MGA: variants seen among roughly 807,000 people sequenced by gnomAD.
MGA encodes MAX gene-associated protein.
Under a neutral mutation model 261.1 loss-of-function variants are expected in MGA, and 40 were observed. The observed-to-expected ratio is 0.15, with a 90% confidence interval of 0.12 to 0.20. MGA has a LOEUF of 0.20. Among genes scored for constraint, MGA ranks in the 10% least tolerant of loss-of-function variants. MGA has a pLI of 1.00. For missense variants in MGA, 3,397 were observed against 3,630.5 expected (o/e 0.94, Z 1.65); for synonymous variants, 1,302 against 1,290.6 (o/e 1.01, Z -0.19).
chr15:41,679,742 GT>G (rs911739240), intron 2 of MGA, among the ~76,000 whole-genome samples: 9 of 151,176 alleles, frequency 6.0e-5, no homozygotes, highest in South Asian at 2.1e-4. Context: ...GACTGAGTGC[GT>G]TTTTTTTGTG....
chr15:41,766,779 C>G lies in MGA; in HGVS notation c.8697C>G (p.Pro2899=). 6.2e-7 allele frequency: 1 copy of G among 1,613,934 alleles called. No homozygotes were observed. The highest frequency in any genetic ancestry group is 8.5e-7 in the Non-Finnish European group (1 of 1,179,858). ...AAGGGGAGAGTGACTCTATCAGTCC[C>G]CTCCTCTTGCACTTGGAAGACGATG... Residue 2899 remains proline (P), a synonymous_variant, in exon 24 of 24, where the codon CCC becomes CCG. Coordinates refer to ENST00000219905, the MANE Select transcript of MGA (RefSeq NM_001164273.2).
In MGA at chr15:41,765,575, A is replaced by G. The variant is rs187437369; in HGVS notation, c.7922-429A>G. 2.8e-3 allele frequency among the ~76,000 whole-genome samples: 426 copies of G among 152,296 alleles called. 11 individuals are homozygous for G. Among genetic ancestry groups the G allele is most frequent in the Non-Finnish European group, 6.2e-4 (42 of 68,016 alleles). On this transcript the variant is annotated intron_variant, in intron 23 of 23. Coordinates refer to ENST00000219905, the MANE Select transcript of MGA (RefSeq NM_001164273.2). Reference sequence around the variant, plus strand: ...TTAGGATCCTGGTTACTTTATTGCCATTGCCAGCCAAAATTCCTTGTCTCT... The same window carrying G: ...TTAGGATCCTGGTTACTTTATTGCCGTTGCCAGCCAAAATTCCTTGTCTCT...
intron 1 of MGA, among the ~76,000 whole-genome samples, chr15:41,639,483 A>G (rs1430654504): frequency 6.6e-6 from 1 of 150,724 alleles, no homozygotes; most frequent in African/African-American, 2.4e-5. Context: ...CCCCTATCTA[A>G]TTAGCTCGGC....
Position 41,699,064 on chromosome 15 carries a change from G to A in MGA, c.2093G>A (p.Gly698Asp), listed in dbSNP as rs1471011414. ...TTATTACTATTTATTTTGGGTGTAG[G>A]TTACAGAGCAAGAATTTCCCAGTTG... The change falls in exon 5 of 24, where the codon GGT (glycine) becomes GAT (aspartate). Residue 698 changes from glycine (G) to aspartate (D), a missense_variant and splice_region_variant. Transcript: ENST00000219905. The A allele has an allele frequency of 6.2e-7, 1 of 1,609,372 alleles. No homozygotes were observed. Among genetic ancestry groups the A allele is most frequent in the East Asian group, 2.2e-5 (1 of 44,800 alleles).
chr15:41,638,369 A>G (rs1279990719), intron 1 of MGA, among the ~76,000 whole-genome samples: 1 of 145,314 alleles, frequency 6.9e-6, no homozygotes, highest in Non-Finnish European at 1.5e-5. Context: ...AAAATATGCT[A>G]GAATTTTTTT....
Position 41,740,074 on chromosome 15 carries a change from G to T in MGA, c.4456G>T (p.Ala1486Ser). ...CAAGGTAGCATCCAATGCCAAGGTG[G>T]CTGCATCCAGGAAACCACGTACCCT... Residue 1486 changes from alanine to serine, a missense_variant, in exon 14 of 24, where the codon GCT becomes TCT. Physicochemically the swap from Ala to Ser is moderately conservative, Grantham distance 99. Transcript: ENST00000219905. 6.2e-7 allele frequency: 1 copy of T among 1,614,000 alleles called. No homozygotes were observed. The highest frequency in any genetic ancestry group is 8.5e-7 in the Non-Finnish European group (1 of 1,179,894).
chr15:41,681,138 A>G (rs1213661845), intron 2 of MGA, among the ~76,000 whole-genome samples: 3 of 152,320 alleles, frequency 2.0e-5, no homozygotes, highest in African/African-American at 7.2e-5. Flanking sequence ...CATAATACAT[A>G]ATGTAAAAAG....
intron 2 of MGA, among the ~76,000 whole-genome samples, chr15:41,688,926 C>T (rs564966877): frequency 1.3e-5 from 2 of 152,076 alleles, no homozygotes; most frequent in Non-Finnish European, 2.9e-5. Flanking sequence ...TTATTATGTC[C>T]ACACATGGGG....
At chr15:41,628,120 C>G (rs1436035822) in intron 1 of MGA, among the ~76,000 whole-genome samples, 2 of 152,028 alleles carry the variant, frequency 1.3e-5, no homozygotes, top group African/African-American at 4.8e-5. Flanking sequence ...CCTGTAATCC[C>G]AGCACTTTGG....
intron 9 of MGA, among the ~76,000 whole-genome samples, chr15:41,718,014 C>T (rs75495016): frequency 8.4e-4 from 76 of 90,364 alleles, no homozygotes; most frequent in African/African-American, 3.1e-3. Flanking sequence ...GACCCTGTCT[C>T]AAAAAAAAAA....
At chr15:41,656,664 T>C (rs547777479), upstream of MGA, among the ~76,000 whole-genome samples, 6 of 152,008 alleles carry the variant, frequency 3.9e-5, no homozygotes, top group South Asian at 4.2e-4. Flanking sequence ...TGTTTCTTAA[T>C]GAATGTTGAT....
chr15:41,734,727 A>G (rs2061681218), intron 12 of MGA, 133 bp downstream of exon 12: 8 of 656,512 alleles, frequency 1.2e-5, no homozygotes, highest in Middle Eastern at 3.0e-4. Context: ...TGCCAAAAAC[A>G]GGGACAATAA....
chr15:41,682,234 A>T (rs894067162), intron 2 of MGA, among the ~76,000 whole-genome samples: 1 of 151,814 alleles, frequency 6.6e-6, no homozygotes, highest in Non-Finnish European at 1.5e-5. Flanking sequence ...ACATTATTTA[A>T]TAAAATCTTT....
At chr15:41,665,492 C>G (rs919830590) in intron 1 of MGA, among the ~76,000 whole-genome samples, 2 of 151,676 alleles carry the variant, frequency 1.3e-5, no homozygotes, top group Non-Finnish European at 2.9e-5. Context: ...CCCCCAGGCT[C>G]GAGGGATCCT....
At position 41,748,853 on chromosome 15, in the gene MGA, A is replaced by G. The variant is rs762221573; in HGVS notation, c.5429A>G (p.Gln1810Arg). ...AGGCACCCTAATGGGCAGATTGTCC[A>G]GCTTCTACCTTTGCATCAGCTTCGA... Residue 1810 changes from glutamine to arginine, a missense_variant, in exon 16 of 24, where the codon CAG becomes CGG. Around this residue, in one of 9 missense-constraint regions of MGA, gnomAD observed 1,410 missense variants for 1,386.4 expected, o/e 1.02. Transcript: ENST00000219905. 1 of 1,614,038 alleles carries G rather than the reference A, an allele frequency of 6.2e-7. No individual in the cohort carries two copies. The highest frequency in any genetic ancestry group is 1.1e-5 in the South Asian group (1 of 91,092).
At chr15:41,641,124 TGTTTTCAAA>T (rs1316758319) in intron 1 of MGA, among the ~76,000 whole-genome samples, 1 of 152,196 alleles carries the variant, frequency 6.6e-6, no homozygotes, top group Middle Eastern at 3.2e-3. Context: ...CTCTTTAGCA[TGTTTTCAAA>T]GTTCATCCAT....
chr15:41,689,316 TCTCTCCCTAC>T (rs2059136807), intron 2 of MGA, among the ~76,000 whole-genome samples: 1 of 151,358 alleles, frequency 6.6e-6, no homozygotes, highest in African/African-American at 2.4e-5. Flanking sequence ...CCTCTTCCTT[TCTCTCCCTAC>T]CTCTCTCCCT....
At chr15:41,637,248 C>T (rs1015418717) in intron 1 of MGA, among the ~76,000 whole-genome samples, 17 of 152,032 alleles carry the variant, frequency 1.1e-4, no homozygotes, top group African/African-American at 3.9e-4. Flanking sequence ...GGGTTGAGGA[C>T]CTACAGATTA....
intron 1 of MGA, among the ~76,000 whole-genome samples, chr15:41,632,363 A>C (rs2056607944): frequency 6.6e-6 from 1 of 152,206 alleles, no homozygotes; most frequent in South Asian, 2.1e-4. Flanking sequence ...CAAGTCATGT[A>C]GCCTGGGCAT....
Sources: gnomAD v4.1 joint callset for allele counts (sites outside exome capture counted in the v4.1 genomes callset) on GRCh38, gnomAD v4.1.1 for gene constraint, gnomAD v4.1.1 regional missense constraint, MANE v1.5 for transcripts, NCBI Gene and HGNC (gene_info 2026-07-23, HGNC 2026-07-21) for gene names.